The following TMEM234 variants were observed in gnomAD, a reference collection of about 807,000 sequenced individuals.
The protein encoded by TMEM234 is transmembrane protein 234, also known as chromosome 1 open reading frame 91.
TMEM234 carries 21 observed loss-of-function variants against 17.8 expected under a neutral mutation model. The ratio of observed to expected loss-of-function variants is 1.18; its 90% confidence interval spans 0.84 to 1.70. The LOEUF (loss-of-function observed/expected upper bound fraction) is 1.70. Ranked by LOEUF, TMEM234 falls within the 40% of genes most tolerant of loss-of-function variation. The pLI, the probability that TMEM234 is intolerant of heterozygous loss-of-function variation, is 0.00. For missense variants in TMEM234, 137 were observed against 166.9 expected (o/e 0.82, Z 0.99); for synonymous variants, 83 against 73.5 (o/e 1.13, Z -0.66).
At chr1:32,214,822 C>T (rs900005921), downstream of TMEM234, 8 of 1,613,958 alleles carry the variant, frequency 5.0e-6, no homozygotes, top group Non-Finnish European at 6.8e-6. Flanking sequence ...GCCCAGGTAA[C>T]CCAGCCCTCT....
At position 32,221,878 on chromosome 1, in the gene TMEM234, A is replaced by C. The variant is rs768196476; in HGVS notation, c.157T>G (p.Leu53Val). 3.7e-6 allele frequency: 6 copies of C among 1,612,634 alleles called. No individual in the cohort carries two copies. In the Admixed American group the frequency reaches 6.7e-5, roughly 18 times the overall value. Residue 53 changes from leucine (L) to valine (V), a missense_variant, in exon 2 of 5, where the codon TTG (leucine) becomes GTG (valine). Transcript: ENST00000309777. ...QLLQEMKTLF[L>V]NTEYLMPFLL... The stretch of plus-strand genomic sequence containing the variant: ...TCACAGAGACGCACCTCAGTATTCA[A>C]GAAGAGGGTCTTCATCTCCTGTAGC...
chr1:32,219,224 C>T (rs567437965), intron 3 of TMEM234, among the ~76,000 whole-genome samples: 20 of 152,308 alleles, frequency 1.3e-4, no homozygotes, highest in African/African-American at 4.8e-4. Context: ...ACACTGGCTC[C>T]TCAGCAAATT....
chr1:32,216,903 A>G lies in TMEM234; in HGVS notation c.373T>C (p.Cys125Arg), dbSNP rs749912419. 1 of 1,614,222 alleles carries G rather than the reference A, an allele frequency of 6.2e-7. No individual in the cohort carries two copies. ...GTCTTACTCACTGAGCTTGTGATGC[A>G]GAGTGAAATTCCTATCACGGTGAGC... is the stretch of plus-strand genomic sequence containing the variant. Reference protein sequence around the residue: ...MVLTVIGISLCITSSVSKTQG... With the variant: ...MVLTVIGISLRITSSVSKTQG... The change falls in exon 5 of 5, where the codon TGC (cysteine) becomes CGC (arginine). Residue 125 changes from cysteine to arginine, a missense_variant. Physicochemically the swap from Cys to Arg is radical, Grantham distance 180. Transcript: ENST00000309777.
downstream of TMEM234, chr1:32,214,697 G>A: frequency 6.6e-7 from 1 of 1,526,412 alleles, no homozygotes; most frequent in Non-Finnish European, 8.9e-7. Context: ...CCTCTGCCAT[G>A]TTCCTGCAGG....
intron 3 of TMEM234, among the ~76,000 whole-genome samples, chr1:32,218,103 A>C (rs545185556): frequency 6.6e-6 from 1 of 152,372 alleles, no homozygotes; most frequent in Admixed American, 6.5e-5. Context: ...CAAGGGGCTG[A>C]CTGCCAATAA....
chr1:32,215,829 T>A (rs1364826437), downstream of TMEM234: 3 of 1,552,874 alleles, frequency 1.9e-6, no homozygotes, highest in Non-Finnish European at 2.6e-6. Flanking sequence ...GGAAGAGGCC[T>A]TGTCCCTGGA....
downstream of TMEM234, chr1:32,216,158 G>C: frequency 2.7e-6 from 2 of 730,350 alleles, no homozygotes; most frequent in Non-Finnish European, 2.2e-6. Context: ...CTAAGCCTGG[G>C]AGAGGGTTTG....
chr1:32,222,332 GC>G lies in TMEM234; in HGVS notation c.-11del. 6.4e-7 allele frequency: 1 copy of G among 1,562,916 alleles called. No homozygotes were observed. Among genetic ancestry groups the G allele is most frequent in the Non-Finnish European group, 8.7e-7 (1 of 1,151,860 alleles). On this transcript the variant is annotated 5_prime_UTR_variant, in exon 1 of 5. Coordinates refer to ENST00000309777, the MANE Select transcript of TMEM234 (RefSeq NM_019118.5). The stretch of plus-strand genomic sequence containing the variant: ...CCAGAGACGCCGCCATGGCAACGCC[GC>G]TGTCTTCTACTTCCGGGAACGAAGG...
intron 3 of TMEM234, among the ~76,000 whole-genome samples, chr1:32,218,753 C>T (rs1209591429): frequency 6.6e-6 from 1 of 152,066 alleles, no homozygotes; most frequent in Non-Finnish European, 1.5e-5. Context: ...GCCTGGCCAA[C>T]ATTGTGAAAC....
Position 32,221,936 on chromosome 1 carries a change from C to T in TMEM234, c.99G>A (p.Gln33=). 1 of 1,612,214 alleles carries T rather than the reference C, an allele frequency of 6.2e-7. No individual in the cohort carries two copies. The highest frequency in any genetic ancestry group is 1.1e-5 in the South Asian group (1 of 91,090). Residue 33 remains glutamine, a synonymous_variant, in exon 2 of 5, where the codon CAG becomes CAA. Transcript: ENST00000309777. ...PLLKRASAGL[Q]RVHEPTWAQQ... is the part of the protein sequence containing the mutation. ...GGGCCCAGGTCGGCTCATGAACCCGCTGCAGGCCGGCGGAGGCCCGCTTCA... is the reference window on the plus strand; with the variant it reads ...GGGCCCAGGTCGGCTCATGAACCCGTTGCAGGCCGGCGGAGGCCCGCTTCA...
At chr1:32,215,573 T>C (rs1440985919), downstream of TMEM234, 18 of 1,602,608 alleles carry the variant, frequency 1.1e-5, no homozygotes, top group Admixed American at 2.2e-4. Flanking sequence ...AACAGTATGT[T>C]GGGGTGGGAG....
At chr1:32,215,793 C>G, downstream of TMEM234, 1 of 1,548,154 alleles carries the variant, frequency 6.5e-7, no homozygotes, top group Non-Finnish European at 8.7e-7. Context: ...GGCCTTCCAC[C>G]TCCTGCAGAG....
downstream of TMEM234, chr1:32,215,343 G>C: frequency 9.5e-7 from 1 of 1,055,782 alleles, no homozygotes; most frequent in East Asian, 2.6e-5. Flanking sequence ...GCAGAACCAG[G>C]TTCAGGGGAG....
chr1:32,214,700 C>A, downstream of TMEM234: 1 of 1,529,680 alleles, frequency 6.5e-7, no homozygotes, highest in Non-Finnish European at 8.8e-7. Context: ...CTGCCATGTT[C>A]CTGCAGGCGT....
downstream of TMEM234, chr1:32,215,459 A>T: frequency 6.2e-7 from 1 of 1,612,876 alleles, no homozygotes; most frequent in Non-Finnish European, 8.5e-7. Flanking sequence ...GAGTATATGG[A>T]GCTCCCCACC....
chr1:32,218,709 G>A (rs915372440), intron 3 of TMEM234, among the ~76,000 whole-genome samples: 6 of 152,042 alleles, frequency 3.9e-5, no homozygotes, highest in Non-Finnish European at 7.4e-5. Flanking sequence ...AGGCCGAGGC[G>A]GGTGGATCAT....
chr1:32,221,835 C>A, intron 2 of TMEM234, 32 bp downstream of exon 2: 1 of 1,611,340 alleles, frequency 6.2e-7, no homozygotes, highest in Non-Finnish European at 8.5e-7. Context: ...GCGGCAACTC[C>A]ACCGAGAGAG....
At chr1:32,219,594 G>A (rs906995699) in intron 3 of TMEM234, among the ~76,000 whole-genome samples, 1 of 151,982 alleles carries the variant, frequency 6.6e-6, no homozygotes, top group Non-Finnish European at 1.5e-5. Context: ...TGCCTAGGGT[G>A]ATCTCTAGGC....
At chr1:32,214,919 C>A, downstream of TMEM234, 1 of 1,613,998 alleles carries the variant, frequency 6.2e-7, no homozygotes, top group Non-Finnish European at 8.5e-7. Context: ...TCCCCACACT[C>A]TCATTCCCAT....
Sources: allele counts gnomAD v4.1 joint callset (sites outside exome capture counted in the v4.1 genomes callset), GRCh38; gene constraint gnomAD v4.1.1; transcripts MANE v1.5; gene names NCBI Gene and HGNC (gene_info 2026-07-23, HGNC 2026-07-21).